The following GATA5 variants were observed in gnomAD, a reference collection of about 807,000 sequenced individuals.
GATA5 encodes transcription factor GATA-5.
Under a neutral mutation model 35.0 loss-of-function variants are expected in GATA5, and 27 were observed. That is an observed-to-expected ratio of 0.77 (90% CI 0.57 to 1.06). The LOEUF is 1.06. Ranked by LOEUF, GATA5 falls within the 50% of genes least tolerant of loss-of-function variation. The pLI is 0.00. For missense variants in GATA5, 612 were observed against 580.0 expected, an observed-to-expected ratio of 1.06 and a Z score of -0.57; for synonymous variants, 306 against 267.8, an observed-to-expected ratio of 1.14 and a Z score of -1.39.
rs373652316 is a variant in GATA5, at chr20:62,464,860, G to C, written c.1170C>G (p.Ala390=). 95 of 1,607,988 alleles carry C rather than the reference G, an allele frequency of 5.9e-5. No homozygotes were observed. The highest frequency in any genetic ancestry group is 7.8e-5 in the Non-Finnish European group (92 of 1,177,276). Residue 390 remains alanine (A), a synonymous_variant, in exon 7 of 7, where the codon GCC becomes GCG. Coordinates refer to ENST00000252997, the MANE Select transcript of GATA5 (RefSeq NM_080473.5). ...CCTAGGCCAAGGCCAGCGCACACCAGGCCTCTTGGCGCAGAGCCCCCCTGA... is the reference window on the plus strand; with the variant it reads ...CCTAGGCCAAGGCCAGCGCACACCACGCCTCTTGGCGCAGAGCCCCCCTGA... ...AGLRGALRQE[A]WCALALA
chr20:62,475,561 GGT>G lies in GATA5; in HGVS notation c.-21-21_-21-20del. ...TCTTGACCTGCAGGGAAGAGGGACA[GGT>G]GTGGAGGTCACGGGAGCTCTGCGCC... is the stretch of plus-strand genomic sequence containing the variant. On this transcript the variant is annotated intron_variant, in intron 1 of 6. Coordinates refer to ENST00000252997, the MANE Select transcript of GATA5 (RefSeq NM_080473.5). 2.4e-6 allele frequency: 3 copies of G among 1,244,470 alleles called. No homozygotes were observed. Among genetic ancestry groups the G allele is most frequent in the Non-Finnish European group, 3.0e-6 (3 of 992,494 alleles). 77.1% of individuals were successfully genotyped at this position (1,244,470 alleles called of 1,614,324 possible).
At chr20:62,465,599 T>A in intron 5 of GATA5, 135 bp from the exon 6 acceptor site, 1 of 1,251,420 alleles carries the variant, frequency 8.0e-7, no homozygotes, top group Non-Finnish European at 1.1e-6. Context: ...CAGGCGTGGG[T>A]GGTGTGGCCG....
chr20:62,467,578 C>G (rs1010824104), intron 3 of GATA5, among the ~76,000 whole-genome samples: 2 of 152,254 alleles, frequency 1.3e-5, no homozygotes, highest in Non-Finnish European at 2.9e-5. Flanking sequence ...CCCCTTCCCT[C>G]AGGTTGCACA....
intron 6 of GATA5, 99 bp downstream of exon 6, chr20:62,465,241 T>C (rs976924692): frequency 2.7e-5 from 35 of 1,294,308 alleles, no homozygotes; most frequent in Non-Finnish European, 3.3e-5. Flanking sequence ...CCAGCCCACC[T>C]GCTGGAAGAG....
chr20:62,465,126 G>T, intron 6 of GATA5, 135 bp from the exon 7 acceptor site: 1 of 907,266 alleles, frequency 1.1e-6, no homozygotes, highest in Non-Finnish European at 1.6e-6. Context: ...CCCTGGAATG[G>T]CATGGGGGAC....
chr20:62,475,071 C>T lies in GATA5; in HGVS notation c.451G>A (p.Ala151Thr). The change falls in exon 2 of 7, where the codon GCC becomes ACC. Residue 151 changes from alanine (A) to threonine (T), a missense_variant. Ala to Thr is a moderately conservative substitution (Grantham distance 58, BLOSUM62 0). Coordinates refer to ENST00000252997, the MANE Select transcript of GATA5 (RefSeq NM_080473.5). ...TYPAYVSPDV[A>T]QSWTAGPFDG... is the part of the protein sequence containing the mutation. ...AAGGGCCCGGCAGTCCAGGACTGGG[C>T]CACGTCGGGGCTCACGTAGGCCGGG... The T allele has an allele frequency of 2.8e-6, 4 of 1,412,976 alleles. No homozygotes were observed. Among genetic ancestry groups the T allele is most frequent in the African/African-American group, 1.5e-5 (1 of 66,652 alleles). The allele number at this position is 1,412,976 out of a possible 1,614,324, so 87.5% of individuals were successfully genotyped here.
Position 62,475,422 on chromosome 20 carries a change from C to A in GATA5, c.100G>T (p.Val34Leu). 1.5e-6 allele frequency: 2 copies of A among 1,362,640 alleles called. No homozygotes were observed. Among genetic ancestry groups the A allele is most frequent in the Non-Finnish European group, 1.9e-6 (2 of 1,058,190 alleles). 84.4% of individuals were successfully genotyped at this position (1,362,640 alleles called of 1,614,324 possible). A position where few individuals can be genotyped will look rare whatever the true frequency, so the allele number is the denominator to read the frequency against. The part of the protein sequence containing the change: ...HAPGAGSPMF[V>L]PPARVPSMLS... ...ATCGAGGGGACGCGCGCCGGCGGCA[C>A]AAACATCGGAGAGCCGGCGCCCGGA... The change falls in exon 2 of 7, where the codon GTG becomes TTG. Residue 34 changes from valine (V) to leucine (L), a missense_variant. Coordinates refer to ENST00000252997, the MANE Select transcript of GATA5 (RefSeq NM_080473.5).
At position 62,465,337 on chromosome 20, in the gene GATA5, T is replaced by C; in HGVS notation, c.1038+3A>G. Reference sequence around the variant, plus strand: ...GGCACCCCACCCCAGCCCACCCCCTTACCTGGGGGGCCATGCTGGGCCCAG... The same window carrying C: ...GGCACCCCACCCCAGCCCACCCCCTCACCTGGGGGGCCATGCTGGGCCCAG... On this transcript the variant is annotated splice_donor_region_variant and intron_variant, in intron 6 of 6. Coordinates refer to ENST00000252997, the MANE Select transcript of GATA5 (RefSeq NM_080473.5). 1 of 1,588,676 alleles carries C rather than the reference T, an allele frequency of 6.3e-7. No homozygotes were observed. The highest frequency in any genetic ancestry group is 1.1e-5 in the South Asian group (1 of 89,804).
chr20:62,465,312 G>C, intron 6 of GATA5, 28 bp downstream of exon 6: 1 of 1,573,486 alleles, frequency 6.4e-7, no homozygotes. Flanking sequence ...CCCAGCTCTG[G>C]GCACCCCACC....
At chr20:62,469,805 A>C (rs1428469008) in intron 3 of GATA5, among the ~76,000 whole-genome samples, 2 of 152,212 alleles carry the variant, frequency 1.3e-5, no homozygotes, top group Non-Finnish European at 2.9e-5. Flanking sequence ...CTATTGTACG[A>C]GTGGGAGGCT....
At chr20:62,469,549 G>A (rs1475289109) in intron 3 of GATA5, among the ~76,000 whole-genome samples, 6 of 152,240 alleles carry the variant, frequency 3.9e-5, no homozygotes, top group Non-Finnish European at 7.3e-5. Flanking sequence ...TCTGAGACAC[G>A]GGTTGTGGAA....
Position 62,465,009 on chromosome 20 carries a change from C to A in GATA5, c.1039-18G>T, listed in dbSNP as rs368589948. 1.9e-6 allele frequency: 2 copies of A among 1,040,706 alleles called. No homozygotes were observed. The highest frequency in any genetic ancestry group is 6.4e-5 in the East Asian group (1 of 15,612). The allele number at this position is 1,040,706 out of a possible 1,614,324, so 64.5% of individuals were successfully genotyped here. A position where few individuals can be genotyped will look rare whatever the true frequency, so the allele number is the denominator to read the frequency against. ...CCAGAGGCCTGCAGGGACAGGAGAG[C>A]GTGAGAATGTGGGGTGGGGCGTGGG... is the stretch of plus-strand genomic sequence containing the variant. On this transcript the variant is annotated intron_variant, in intron 6 of 6. Transcript: ENST00000252997.
At chr20:62,472,621 G>A (rs994392915) in intron 3 of GATA5, among the ~76,000 whole-genome samples, 2 of 152,188 alleles carry the variant, frequency 1.3e-5, no homozygotes, top group African/African-American at 2.4e-5. Context: ...ACTTGCAAAC[G>A]ACATCAACAC....
In GATA5 at chr20:62,475,462, G is replaced by T; in HGVS notation, c.60C>A (p.Gly20=). The change falls in exon 2 of 7, where the codon GGC becomes GGA. Residue 20 remains glycine, a synonymous_variant. Transcript: ENST00000252997. The stretch of plus-strand genomic sequence containing the variant: ...CGGCGCCCGGAGCGTGCAGGAAGGA[G>T]CCCGAGTCGGCGTAGGCGGCCTGGC... ...SPRQAAYADS[G]SFLHAPGAGS... 1 of 1,336,666 alleles carries T rather than the reference G, an allele frequency of 7.5e-7. No individual in the cohort carries two copies. Among genetic ancestry groups the T allele is most frequent in the Non-Finnish European group, 9.5e-7 (1 of 1,048,606 alleles). The allele number at this position is 1,336,666 out of a possible 1,614,324, so 82.8% of individuals were successfully genotyped here.
chr20:62,465,197 C>T (rs1009996522), intron 6 of GATA5, 143 bp downstream of exon 6: 1 of 1,005,892 alleles, frequency 9.9e-7, no homozygotes, highest in African/African-American at 1.6e-5. Flanking sequence ...AGGGGAAGGG[C>T]CACCATACTG....
chr20:62,474,977 A>C, intron 2 of GATA5, 22 bp downstream of exon 2: 1 of 1,285,516 alleles, frequency 7.8e-7, no homozygotes, highest in Non-Finnish European at 9.9e-7. Context: ...GGGCCCCGAG[A>C]CTGTGGAGCC....
intron 6 of GATA5, 70 bp downstream of exon 6, chr20:62,465,270 G>C: frequency 6.7e-7 from 1 of 1,487,908 alleles, no homozygotes; most frequent in Non-Finnish European, 9.0e-7. Context: ...GGGCTCTGAT[G>C]GGATCTGACT....
chr20:62,468,275 C>G (rs1161384999), intron 3 of GATA5, among the ~76,000 whole-genome samples: 3 of 152,266 alleles, frequency 2.0e-5, no homozygotes, highest in Non-Finnish European at 4.4e-5. Context: ...TGGGCAGAAA[C>G]AGCCAGCCTC....
intron 4 of GATA5, among the ~76,000 whole-genome samples, chr20:62,466,218 C>T (rs1446879334): frequency 6.6e-6 from 1 of 152,192 alleles, no homozygotes; most frequent in African/African-American, 2.4e-5. Flanking sequence ...CCTCAGTCAG[C>T]GCGTCTGTGC....
Sources: allele counts gnomAD v4.1 joint callset (sites outside exome capture counted in the v4.1 genomes callset), GRCh38; gene constraint gnomAD v4.1.1; transcripts MANE v1.5; gene names NCBI Gene and HGNC (gene_info 2026-07-23, HGNC 2026-07-21).